Variants in SYCP1 observed in about 807,000 individuals in gnomAD.
The protein encoded by SYCP1 is synaptonemal complex protein 1.
SYCP1 carries 64 observed loss-of-function variants against 153.1 expected under a neutral mutation model. That is an observed-to-expected ratio of 0.42 (90% CI 0.34 to 0.51). The LOEUF (loss-of-function observed/expected upper bound fraction) is 0.51. SYCP1 is among the 20% of genes least tolerant of loss of function. The pLI, the probability that SYCP1 is intolerant of heterozygous loss-of-function variation, is 0.06. For missense variants in SYCP1, 997 were observed against 1,049.0 expected (o/e 0.95, Z 0.68); for synonymous variants, 384 against 341.8 (o/e 1.12, Z -1.36).
intron 20 of SYCP1, among the ~76,000 whole-genome samples, chr1:114,918,678 T>C (rs879387591): frequency 3.9e-5 from 6 of 152,076 alleles, no homozygotes; most frequent in Non-Finnish European, 5.9e-5. Context: ...AATCAGTGTT[T>C]TATAGTTTGC....
rs540057395 is a variant in SYCP1, at chr1:114,887,043, G to A, written c.1191-583G>A. 4.6e-5 allele frequency among the ~76,000 whole-genome samples: 7 copies of A among 152,186 alleles called. No homozygotes were observed. In the South Asian group the frequency reaches 1.4e-3, roughly 32 times the overall value. ...GAACAGGTTTCTCTCTGAAGCCATA[G>A]CCGGGGCCTAGCAATAGTTTTTCTC... On this transcript the variant is annotated intron_variant, in intron 14 of 31. Coordinates refer to ENST00000369522, the MANE Select transcript of SYCP1 (RefSeq NM_003176.4).
At chr1:114,948,816 C>T (rs542698678) in intron 27 of SYCP1, among the ~76,000 whole-genome samples, 1 of 152,306 alleles carries the variant, frequency 6.6e-6, no homozygotes, top group East Asian at 1.9e-4. Context: ...TTACCTTTAT[C>T]CTACTGTTTC....
chr1:114,923,319 G>A lies in SYCP1; in HGVS notation c.1719-130G>A, dbSNP rs1027597902. The A allele has an allele frequency of 1.3e-5, 12 of 911,858 alleles. No homozygotes were observed. The African/African-American group carries it at 1.6e-4, about 12-fold the overall frequency. 56.5% of individuals were successfully genotyped at this position (911,858 alleles called of 1,614,324 possible). ...CTCTTGTTTGTACTTATATTATGAA[G>A]TATTCAGTTTTGGTTTTTTACATTT... On this transcript the variant is annotated intron_variant, in intron 20 of 31. Transcript: ENST00000369522.
At chr1:114,905,543 C>G (rs1023885040) in intron 16 of SYCP1, among the ~76,000 whole-genome samples, 2 of 152,184 alleles carry the variant, frequency 1.3e-5, no homozygotes, top group Non-Finnish European at 2.9e-5. Context: ...CTTTCTGGAA[C>G]AGGGGTTAAG....
chr1:114,966,044 A>G (rs2101897936), intron 27 of SYCP1, among the ~76,000 whole-genome samples: 1 of 152,098 alleles, frequency 6.6e-6, no homozygotes, highest in South Asian at 2.1e-4. Flanking sequence ...CTATTCAGGG[A>G]TTTGACTTCT....
chr1:114,927,851 C>G (rs909508581), intron 23 of SYCP1, among the ~76,000 whole-genome samples: 1 of 152,186 alleles, frequency 6.6e-6, no homozygotes, highest in Admixed American at 6.5e-5. Context: ...CAGAGTCTCA[C>G]TCTGGCACCA....
chr1:114,862,776 T>C (rs1664466008), intron 8 of SYCP1: 1 of 147,828 alleles, frequency 6.8e-6, no homozygotes, highest in South Asian at 2.2e-4. Context: ...ATGTAGAAAG[T>C]TTTTTTTTTA....
chr1:114,909,102 G>A (rs1015746273), intron 16 of SYCP1, among the ~76,000 whole-genome samples: 10 of 152,118 alleles, frequency 6.6e-5, no homozygotes, highest in Non-Finnish European at 4.4e-5. Context: ...GTATATGAAT[G>A]TATGCTTCAT....
chr1:114,918,917 GGAAATATACATGTTTCCAA>G (rs1437870429), intron 20 of SYCP1, among the ~76,000 whole-genome samples: 1 of 151,754 alleles, frequency 6.6e-6, no homozygotes, highest in African/African-American at 2.4e-5. Context: ...GATTATACTT[GGAAATATACATGTTTCCAA>G]GAAATATACA....
chr1:114,994,120 C>T (rs919188553), intron 30 of SYCP1, among the ~76,000 whole-genome samples: 14 of 151,176 alleles, frequency 9.3e-5, no homozygotes, highest in African/African-American at 2.7e-4. Flanking sequence ...ATTTATTCAT[C>T]CACGGATGGA....
At chr1:114,958,253 A>G (rs537523833) in intron 27 of SYCP1, among the ~76,000 whole-genome samples, 57 of 152,290 alleles carry the variant, frequency 3.7e-4, no homozygotes, top group African/African-American at 1.2e-3. Context: ...TCATGGAGGT[A>G]GTAAATACAG....
rs763736798 is a variant in SYCP1 at position 114,914,037 on chromosome 1, C to G, written c.1710C>G (p.Thr570=). 3.2e-6 allele frequency: 5 copies of G among 1,566,912 alleles called. No individual in the cohort carries two copies. In the South Asian group the frequency reaches 5.0e-5, roughly 16 times the overall value. ...TAGAAAATCTTCAAGAAACAGAAAC[C>G]CAATTAAGGCAAGACTAACAAATTG... ...KQIENLQETE[T]QLRNELEYVR... is the part of the protein sequence containing the mutation. Residue 570 remains threonine, a synonymous_variant, in exon 20 of 32, where the codon ACC becomes ACG. Transcript: ENST00000369522.
At chr1:114,880,184 C>T (rs1052675604) in intron 12 of SYCP1, among the ~76,000 whole-genome samples, 1 of 152,164 alleles carries the variant, frequency 6.6e-6, no homozygotes, top group Non-Finnish European at 1.5e-5. Flanking sequence ...AGTATGTTCA[C>T]ATTGTTATGC....
At chr1:114,958,878 C>T (rs953237736) in intron 27 of SYCP1, among the ~76,000 whole-genome samples, 14 of 147,352 alleles carry the variant, frequency 9.5e-5, no homozygotes, top group African/African-American at 3.0e-4. Context: ...TGCAGTGAGC[C>T]GAGATTGTGC....
chr1:114,897,677 T>C (rs1254039052), intron 16 of SYCP1, among the ~76,000 whole-genome samples: 1 of 151,968 alleles, frequency 6.6e-6, no homozygotes, highest in African/African-American at 2.4e-5. Context: ...AAAAACAAGG[T>C]TTTTTTCCAA....
chr1:114,859,338 C>T (rs1416014419), intron 6 of SYCP1, among the ~76,000 whole-genome samples: 5 of 152,166 alleles, frequency 3.3e-5, no homozygotes, highest in African/African-American at 7.2e-5. Context: ...CCACCTGCCT[C>T]GGCCTCCCAA....
chr1:114,965,879 G>A (rs991452260), intron 27 of SYCP1, among the ~76,000 whole-genome samples: 1 of 152,130 alleles, frequency 6.6e-6, no homozygotes, highest in African/African-American at 2.4e-5. Context: ...TTAGGCAGGA[G>A]TCCCTCTTTT....
At chr1:114,926,227 T>C in intron 21 of SYCP1, 51 bp from the exon 22 acceptor site, 1 of 1,323,200 alleles carries the variant, frequency 7.6e-7, no homozygotes. Flanking sequence ...AAATTGCCTG[T>C]TTCAACTGGT....
At chr1:114,942,638 A>C (rs1390651808) in intron 23 of SYCP1, among the ~76,000 whole-genome samples, 1 of 151,974 alleles carries the variant, frequency 6.6e-6, no homozygotes, top group Admixed American at 6.6e-5. Context: ...TCTATATGGA[A>C]AAATATGAAA....
Sources: allele counts gnomAD v4.1 joint callset (sites outside exome capture counted in the v4.1 genomes callset), GRCh38; gene constraint gnomAD v4.1.1; transcripts MANE v1.5; gene names NCBI Gene and HGNC (gene_info 2026-07-23, HGNC 2026-07-21).